Variants in MCTP1 observed in about 807,000 individuals in gnomAD.
MCTP1 encodes the protein multiple C2 and transmembrane domain containing 1.
Under a neutral mutation model 120.6 loss-of-function variants are expected in MCTP1, and 69 were observed. The observed-to-expected ratio is 0.57, with a 90% CI of 0.47 to 0.70. The LOEUF is 0.70. Ranked by LOEUF, MCTP1 falls within the 30% of genes least tolerant of loss-of-function variation. The probability of loss-of-function intolerance (pLI) is 0.00; values close to 1 mark genes in which losing one functional copy is unlikely to be tolerated. For synonymous variants in MCTP1, 529 were observed against 493.1 expected, an observed-to-expected ratio of 1.07 and a Z score of -0.96; for missense variants, 1,203 against 1,248.8, an observed-to-expected ratio of 0.96 and a Z score of 0.55.
intron 1 of MCTP1, among the ~76,000 whole-genome samples, chr5:95,207,846 C>A: frequency 6.6e-6 from 1 of 150,780 alleles, no homozygotes; most frequent in Non-Finnish European, 1.5e-5. Flanking sequence ...AACGAGGAGA[C>A]CTAGGGAGAA....
chr5:94,887,458 A>G (rs1417218289), intron 12 of MCTP1, among the ~76,000 whole-genome samples: 1 of 152,212 alleles, frequency 6.6e-6, no homozygotes, highest in Admixed American at 6.5e-5. Context: ...ATCCAATTAT[A>G]TAATGGGCAG....
intron 17 of MCTP1, among the ~76,000 whole-genome samples, chr5:94,803,098 C>G (rs1374005439): frequency 6.6e-6 from 1 of 152,302 alleles, no homozygotes; most frequent in South Asian, 2.1e-4. Context: ...CAATTCCAAA[C>G]AAAACATCTA....
At chr5:94,981,482 A>G (rs1829404913) in intron 2 of MCTP1, among the ~76,000 whole-genome samples, 1 of 152,140 alleles carries the variant, frequency 6.6e-6, no homozygotes, top group African/African-American at 2.4e-5. Flanking sequence ...CTGGATGTCA[A>G]CATGTGTTAG....
At chr5:95,202,303 T>A (rs1335629012) in intron 1 of MCTP1, among the ~76,000 whole-genome samples, 3 of 152,162 alleles carry the variant, frequency 2.0e-5, no homozygotes, top group African/African-American at 7.2e-5. Context: ...GCCCCTTAGG[T>A]TCTCAGGCTT....
chr5:94,873,307 A>C, intron 12 of MCTP1, 66 bp from the exon 13 acceptor site: 64 of 884,020 alleles, frequency 7.2e-5, no homozygotes, highest in Non-Finnish European at 9.1e-5. Context: ...TGTCAAGATC[A>C]TGACCATATC....
chr5:94,892,712 T>G (rs2153397878), intron 11 of MCTP1, among the ~76,000 whole-genome samples: 1 of 152,322 alleles, frequency 6.6e-6, no homozygotes, highest in Admixed American at 6.5e-5. Context: ...CAGTGACCAA[T>G]GTCAAATTCC....
At chr5:94,726,016 T>G (rs761809276) in intron 19 of MCTP1, among the ~76,000 whole-genome samples, 1 of 152,230 alleles carries the variant, frequency 6.6e-6, no homozygotes, top group Non-Finnish European at 1.5e-5. Context: ...CTCAGGAATA[T>G]TATTTCATGC....
intron 9 of MCTP1, among the ~76,000 whole-genome samples, chr5:94,910,186 G>GCA (rs1561843164): frequency 6.6e-6 from 1 of 150,890 alleles, no homozygotes; most frequent in Admixed American, 6.6e-5. Context: ...ATATGTATGT[G>GCA]TGCATACATA....
chr5:95,264,989 C>A (rs1582694303), intron 1 of MCTP1, among the ~76,000 whole-genome samples: 1 of 152,166 alleles, frequency 6.6e-6, no homozygotes. Flanking sequence ...CCTTTGAAGC[C>A]TAATCCAGGA....
At chr5:95,046,730 C>T (rs529898943) in intron 1 of MCTP1, among the ~76,000 whole-genome samples, 20 of 152,222 alleles carry the variant, frequency 1.3e-4, no homozygotes, top group Middle Eastern at 3.4e-3. Context: ...GTTAGTTACA[C>T]GCTACTCCAT....
At chr5:94,949,594 G>A (rs1819971454) in intron 3 of MCTP1, among the ~76,000 whole-genome samples, 1 of 151,962 alleles carries the variant, frequency 6.6e-6, no homozygotes, top group Non-Finnish European at 1.5e-5. Context: ...AATAGTACAA[G>A]CACTTCAACT....
chr5:94,722,216 A>G (rs1363311108), intron 19 of MCTP1, among the ~76,000 whole-genome samples: 1 of 152,238 alleles, frequency 6.6e-6, no homozygotes, highest in Non-Finnish European at 1.5e-5. Flanking sequence ...AATCCTGTTC[A>G]TCGACTTTCA....
At chr5:94,917,289 A>G (rs1226868501) in intron 8 of MCTP1, among the ~76,000 whole-genome samples, 1 of 152,222 alleles carries the variant, frequency 6.6e-6, no homozygotes, top group African/African-American at 2.4e-5. Flanking sequence ...AATGCTCTCA[A>G]CTAGGTCCTT....
At chr5:94,829,577 C>T (rs1040604941) in intron 17 of MCTP1, among the ~76,000 whole-genome samples, 1 of 152,100 alleles carries the variant, frequency 6.6e-6, no homozygotes, top group Non-Finnish European at 1.5e-5. Flanking sequence ...TTCAGCTCCA[C>T]ATCATGGTCA....
intron 17 of MCTP1, among the ~76,000 whole-genome samples, chr5:94,818,593 A>G (rs887472754): frequency 2.0e-5 from 3 of 152,234 alleles, no homozygotes; most frequent in African/African-American, 2.4e-5. Context: ...AAGGGCTACA[A>G]TTACTCTCCT....
At chr5:94,739,792 C>G (rs1359479439) in intron 19 of MCTP1, among the ~76,000 whole-genome samples, 1 of 152,124 alleles carries the variant, frequency 6.6e-6, no homozygotes, top group African/African-American at 2.4e-5. Context: ...ACCACTCTCC[C>G]GAGTAGCTGG....
At chr5:94,874,932 G>A (rs751954456) in intron 12 of MCTP1, among the ~76,000 whole-genome samples, 66 of 152,110 alleles carry the variant, frequency 4.3e-4, no homozygotes, top group Non-Finnish European at 7.5e-4. Flanking sequence ...TAGGTCACAC[G>A]CATAGGAAAT....
At chr5:95,257,553 C>T (rs1758018673) in intron 1 of MCTP1, among the ~76,000 whole-genome samples, 1 of 151,724 alleles carries the variant, frequency 6.6e-6, no homozygotes, top group African/African-American at 2.4e-5. Context: ...CACAGTTTGT[C>T]CAATTTTGTG....
intron 1 of MCTP1, among the ~76,000 whole-genome samples, chr5:95,149,864 A>G (rs1349089078): frequency 6.6e-6 from 1 of 152,098 alleles, no homozygotes; most frequent in Non-Finnish European, 1.5e-5. Context: ...TCCCTGTAGG[A>G]AGTGTGCATT....
Sources: allele counts gnomAD v4.1 joint callset (sites outside exome capture counted in the v4.1 genomes callset), GRCh38; gene constraint gnomAD v4.1.1; transcripts MANE v1.5; gene names NCBI Gene and HGNC (gene_info 2026-07-23, HGNC 2026-07-21).